WHR1: variants seen among roughly 807,000 people sequenced by gnomAD.
The protein encoded by WHR1 is winged helix repair factor 1.
At chr6:31,980,355 G>C in the WHR1 span, 11 of 1,146,302 alleles carry the variant, frequency 9.6e-6, no homozygotes, top group Non-Finnish European at 1.4e-5. Flanking sequence ...ATGGTTGCCC[G>C]TGTTTCTGGA....
chr6:31,972,945 G>A, the WHR1 span: 1 of 1,015,840 alleles, frequency 9.8e-7, no homozygotes, highest in Non-Finnish European at 1.5e-6. This position sits in a 1 kb window ranked among gnomAD's most constrained non-coding sequence, Gnocchi z 6.3. Flanking sequence ...TCAAATCATG[G>A]AGGTAGAAGA....
the WHR1 span, chr6:31,972,188 TGGGGCCCGGCCTGGCGGA>T: frequency 6.2e-7 from 1 of 1,611,554 alleles, no homozygotes. The surrounding 1 kb of genome is among the most constrained non-coding windows in gnomAD (Gnocchi z 6.3). Flanking sequence ...GCGGCCGGCG[TGGGGCCCGGCCTGGCGGA>T]GGTGATGCTG....
At chr6:31,972,325 C>T in the WHR1 span, 1 of 1,613,150 alleles carries the variant, frequency 6.2e-7, no homozygotes, top group Non-Finnish European at 8.5e-7. This position sits in a 1 kb window ranked among gnomAD's most constrained non-coding sequence, Gnocchi z 6.3. Context: ...GGAGACCGTA[C>T]GTCACTGCTC....
chr6:31,971,292 G>C, the WHR1 span: 1 of 1,537,320 alleles, frequency 6.5e-7, no homozygotes, highest in Non-Finnish European at 8.8e-7. The surrounding 1 kb of genome is among the most constrained non-coding windows in gnomAD (Gnocchi z 4.5). Flanking sequence ...CGGGTCTCCA[G>C]ATATACTGCC....
the WHR1 span, chr6:31,980,249 G>A: frequency 1.9e-6 from 1 of 535,374 alleles, no homozygotes; most frequent in Non-Finnish European, 3.3e-6. Context: ...GGCAGTCCAG[G>A]TAGGGGGCCT....
chr6:31,979,654 G>C, the WHR1 span: 6 of 1,487,682 alleles, frequency 4.0e-6, no homozygotes, highest in Admixed American at 8.5e-5. Flanking sequence ...GAACCTGCCA[G>C]AAAAGCTGCC....
chr6:31,971,547 G>A, the WHR1 span: 3 of 1,614,180 alleles, frequency 1.9e-6, no homozygotes, highest in Non-Finnish European at 1.7e-6. This position sits in a 1 kb window ranked among gnomAD's most constrained non-coding sequence, Gnocchi z 4.5. Context: ...AAGGGCGCCG[G>A]TAGAAAGGAA....
At chr6:31,979,211 GGGAGGAGGAGGAAGGAAGGAGGGGGAGGA>G in the WHR1 span, among the ~76,000 whole-genome samples, 166 of 119,260 alleles carry the variant, frequency 1.4e-3, no homozygotes, top group Non-Finnish European at 1.4e-3. Context: ...GGAGAGGAGG[GGGAGGAGGAGGAAGGAAGGAGGGGGAGGA>G]GGAGGGGGGG....
At chr6:31,971,799 C>T in the WHR1 span, 1 of 1,320,348 alleles carries the variant, frequency 7.6e-7, no homozygotes, top group Non-Finnish European at 1.0e-6. The surrounding 1 kb of genome is among the most constrained non-coding windows in gnomAD (Gnocchi z 4.5). Flanking sequence ...ACATTCAGGC[C>T]CCTCAGACGC....
At chr6:31,971,633 C>G in the WHR1 span, 7 of 1,611,352 alleles carry the variant, frequency 4.3e-6, no homozygotes, top group South Asian at 7.7e-5. This position sits in a 1 kb window ranked among gnomAD's most constrained non-coding sequence, Gnocchi z 4.5. Context: ...GGCTCAGCTA[C>G]CTCTGTCTTC....
At chr6:31,971,658 G>A in the WHR1 span, 1 of 1,606,846 alleles carries the variant, frequency 6.2e-7, no homozygotes. This position sits in a 1 kb window ranked among gnomAD's most constrained non-coding sequence, Gnocchi z 4.5. Context: ...CTCCTCTCTT[G>A]GTCCCCCTGG....
chr6:31,972,975 C>T, the WHR1 span: 1 of 820,180 alleles, frequency 1.2e-6, no homozygotes, highest in Admixed American at 2.0e-5. This position sits in a 1 kb window ranked among gnomAD's most constrained non-coding sequence, Gnocchi z 6.3. Flanking sequence ...TTGGGGAAAC[C>T]GAGTCATGGG....
At chr6:31,979,082 AAAAG>A in the WHR1 span, 5 of 1,442,454 alleles carry the variant, frequency 3.5e-6, no homozygotes, top group Admixed American at 7.1e-5. Flanking sequence ...AAATAAAAAC[AAAAG>A]AAAGAATTTC....
chr6:31,971,571 GAGGGC>G, the WHR1 span: 11 of 1,614,122 alleles, frequency 6.8e-6, 1 homozygote, highest in South Asian at 1.2e-4. This position sits in a 1 kb window ranked among gnomAD's most constrained non-coding sequence, Gnocchi z 4.5. Context: ...GCCCAGAGTA[GAGGGC>G]AGGGTCTGTG....
At chr6:31,977,581 C>T in the WHR1 span, among the ~76,000 whole-genome samples, 5 of 151,802 alleles carry the variant, frequency 3.3e-5, no homozygotes, top group Non-Finnish European at 7.4e-5. Flanking sequence ...GATCTCCGGA[C>T]CTCGTGATCC....
chr6:31,971,603 G>A, the WHR1 span: 1 of 1,613,554 alleles, frequency 6.2e-7, no homozygotes, highest in African/African-American at 1.3e-5. This position sits in a 1 kb window ranked among gnomAD's most constrained non-coding sequence, Gnocchi z 4.5. Flanking sequence ...GAAGGTGCTG[G>A]ACGAGGTAGT....
the WHR1 span, chr6:31,978,981 G>A: frequency 1.9e-6 from 3 of 1,612,428 alleles, no homozygotes; most frequent in Non-Finnish European, 2.5e-6. Flanking sequence ...TATCTTCACT[G>A]AGGACTACAG....
At chr6:31,979,036 G>A in the WHR1 span, 2 of 1,598,640 alleles carry the variant, frequency 1.3e-6, no homozygotes, top group Admixed American at 1.7e-5. Context: ...TGGGGGGAGG[G>A]CACAGGTTGG....
At chr6:31,972,840 C>T in the WHR1 span, 1 of 1,589,664 alleles carries the variant, frequency 6.3e-7, no homozygotes, top group Non-Finnish European at 8.5e-7. This position sits in a 1 kb window ranked among gnomAD's most constrained non-coding sequence, Gnocchi z 6.3. Context: ...GCCAGCCGTT[C>T]AGCAAGCATT....
Sources: allele counts gnomAD v4.1 joint callset (sites outside exome capture counted in the v4.1 genomes callset), GRCh38; gene constraint gnomAD v4.1.1; non-coding constraint Gnocchi (gnomAD v3.1); transcripts MANE v1.5; gene names NCBI Gene and HGNC (gene_info 2026-07-23, HGNC 2026-07-21).